Variants in MTHFD1L observed in about 807,000 individuals in gnomAD.
The protein encoded by MTHFD1L is methylenetetrahydrofolate dehydrogenase (NADP+ dependent) 1 like.
Under a neutral mutation model 119.5 loss-of-function variants are expected in MTHFD1L, and 81 were observed. That is an observed-to-expected ratio of 0.68 (90% CI 0.57 to 0.82). The LOEUF (loss-of-function observed/expected upper bound fraction) is 0.82, where lower values mean the gene tolerates loss of function less well. Ranked by LOEUF, MTHFD1L falls within the 40% of genes least tolerant of loss-of-function variation. The pLI, the probability that MTHFD1L is intolerant of heterozygous loss-of-function variation, is 0.00. For missense variants in MTHFD1L, 1,125 were observed against 1,253.4 expected, an observed-to-expected ratio of 0.90 and a Z score of 1.55; for synonymous variants, 430 against 475.2, an observed-to-expected ratio of 0.90 and a Z score of 1.24.
At chr6:150,927,603 T>C (rs1337749967) in intron 11 of MTHFD1L, among the ~76,000 whole-genome samples, 4 of 151,990 alleles carry the variant, frequency 2.6e-5, no homozygotes, top group Non-Finnish European at 5.9e-5. Context: ...ATTACAGGCA[T>C]GCGCCACCAT....
intron 26 of MTHFD1L, among the ~76,000 whole-genome samples, chr6:151,051,653 C>T (rs1384410633): frequency 6.6e-6 from 1 of 152,176 alleles, no homozygotes; most frequent in African/African-American, 2.4e-5. Context: ...CCATACCCCC[C>T]CAGAGGCAGC....
At chr6:150,905,491 A>G (rs1221658292) in intron 7 of MTHFD1L, among the ~76,000 whole-genome samples, 159 bp from the exon 8 acceptor site, 1 of 152,216 alleles carries the variant, frequency 6.6e-6, no homozygotes, top group East Asian at 1.9e-4. Context: ...TTGTATTAAT[A>G]CATGCTTGAA....
intron 20 of MTHFD1L, among the ~76,000 whole-genome samples, chr6:150,992,548 C>T (rs1346894261): frequency 6.6e-6 from 1 of 152,122 alleles, no homozygotes; most frequent in African/African-American, 2.4e-5. Flanking sequence ...TAATGTTTGT[C>T]CATTTCAGGG....
At chr6:151,022,369 T>TAAAAA in intron 24 of MTHFD1L, 1 of 234,486 alleles carries the variant, frequency 4.3e-6, no homozygotes, top group Non-Finnish European at 8.8e-6. Context: ...TAAAAATGCA[T>TAAAAA]ATCTATGGAT....
intron 24 of MTHFD1L, among the ~76,000 whole-genome samples, chr6:151,020,349 C>T (rs1158377629): frequency 3.3e-5 from 5 of 152,292 alleles, no homozygotes; most frequent in Admixed American, 2.6e-4. Flanking sequence ...AGGCACTGTG[C>T]GGCCAGACAG....
chr6:150,960,145 G>A, intron 17 of MTHFD1L, 130 bp from the exon 18 acceptor site: 1 of 1,227,998 alleles, frequency 8.1e-7, no homozygotes, highest in Middle Eastern at 3.0e-4. Context: ...TGATGGGATT[G>A]CATGCATGGC....
chr6:150,997,901 G>A (rs750179791), intron 20 of MTHFD1L, among the ~76,000 whole-genome samples: 4 of 152,174 alleles, frequency 2.6e-5, no homozygotes. Flanking sequence ...TCATTAAATC[G>A]ATCTGCTTGT....
intron 18 of MTHFD1L, among the ~76,000 whole-genome samples, chr6:150,963,244 T>A (rs1044168454): frequency 9.2e-5 from 14 of 152,184 alleles, no homozygotes; most frequent in Non-Finnish European, 1.5e-4. Flanking sequence ...GTGAACCATC[T>A]TCGTGTATGT....
At chr6:151,057,324 G>C (rs928965694) in intron 26 of MTHFD1L, 2 of 985,220 alleles carry the variant, frequency 2.0e-6, no homozygotes, top group South Asian at 4.7e-5. Context: ...TATAATAATG[G>C]TGGTGACTCA....
chr6:150,955,463 G>A (rs190520893), intron 16 of MTHFD1L, among the ~76,000 whole-genome samples: 9 of 150,644 alleles, frequency 6.0e-5, no homozygotes, highest in Admixed American at 1.3e-4. Flanking sequence ...TGGTTCTTTC[G>A]GGTAATGCCA....
intron 1 of MTHFD1L, chr6:150,866,357 TG>T: frequency 7.0e-7 from 1 of 1,423,028 alleles, no homozygotes; most frequent in South Asian, 1.5e-5. Flanking sequence ...CCGCCGGCTC[TG>T]ATGCAATCGC....
intron 24 of MTHFD1L, chr6:151,022,022 C>T (rs927514527): frequency 1.1e-5 from 5 of 471,028 alleles, no homozygotes; most frequent in South Asian, 3.1e-5. Context: ...CTGTTCCTTG[C>T]GTGAAGCCAT....
chr6:150,996,121 A>G (rs943104219), intron 20 of MTHFD1L, among the ~76,000 whole-genome samples: 1 of 152,166 alleles, frequency 6.6e-6, no homozygotes, highest in East Asian at 1.9e-4. Flanking sequence ...GGATGTCCTC[A>G]TTGCTTCTGT....
intron 13 of MTHFD1L, among the ~76,000 whole-genome samples, chr6:150,942,655 G>T (rs1375236515): frequency 6.6e-6 from 1 of 152,054 alleles, no homozygotes; most frequent in African/African-American, 2.4e-5. Context: ...TGCTTGCTAT[G>T]TTGAGAGTGT....
Position 150,991,629 on chromosome 6 carries a change from A to C in MTHFD1L, c.2126-18190A>C, listed in dbSNP as rs558943261. ...TTTGACATGTAGACACAGGGAAATT[A>C]CATTCGAGGCAGAGAGCAAACGACA... On this transcript the variant is annotated intron_variant, in intron 20 of 27. Coordinates refer to ENST00000367321, the MANE Select transcript of MTHFD1L (RefSeq NM_015440.5). Among the ~76,000 whole-genome samples, 7 of 152,362 alleles carry C rather than the reference A, an allele frequency of 4.6e-5. No homozygotes were observed. The East Asian group carries it at 1.2e-3, about 25-fold the overall frequency.
intron 20 of MTHFD1L, among the ~76,000 whole-genome samples, chr6:150,976,101 G>A (rs1433770524): frequency 6.6e-6 from 1 of 152,198 alleles, no homozygotes; most frequent in Non-Finnish European, 1.5e-5. Context: ...TCAGGAGGCT[G>A]AGGCAGGAGA....
At chr6:150,928,246 T>A (rs1583607380) in intron 11 of MTHFD1L, among the ~76,000 whole-genome samples, 1 of 151,784 alleles carries the variant, frequency 6.6e-6, no homozygotes, top group Admixed American at 6.6e-5. Flanking sequence ...CCATCCTGGC[T>A]AACATGGTGA....
At chr6:150,883,477 C>G (rs1781702749) in intron 5 of MTHFD1L, among the ~76,000 whole-genome samples, 1 of 152,178 alleles carries the variant, frequency 6.6e-6, no homozygotes, top group African/African-American at 2.4e-5. Flanking sequence ...CTTTAGCCAG[C>G]TCTATTCTTC....
chr6:150,869,031 A>C (rs1163517460), intron 1 of MTHFD1L, among the ~76,000 whole-genome samples: 2 of 152,244 alleles, frequency 1.3e-5, no homozygotes, highest in Admixed American at 1.3e-4. Context: ...ACTGCACTGC[A>C]GCCTGGGCAA....
Sources: gnomAD v4.1 joint callset for allele counts (sites outside exome capture counted in the v4.1 genomes callset) on GRCh38, gnomAD v4.1.1 for gene constraint, MANE v1.5 for transcripts, NCBI Gene and HGNC (gene_info 2026-07-23, HGNC 2026-07-21) for gene names.